Variants in NCAPD2 observed in about 807,000 individuals in gnomAD.
NCAPD2 encodes non-SMC condensin I complex subunit D2, also known as condensin complex subunit 1.
Under a neutral mutation model 164.5 loss-of-function variants are expected in NCAPD2, and 100 were observed. That is an observed-to-expected ratio of 0.61 (90% confidence interval 0.52 to 0.72). The LOEUF (loss-of-function observed/expected upper bound fraction) is 0.72. Ranked by LOEUF, NCAPD2 falls within the 30% of genes least tolerant of loss-of-function variation. The pLI, the probability that NCAPD2 is intolerant of heterozygous loss-of-function variation, is 0.00. For missense variants in NCAPD2, 1,560 were observed against 1,749.2 expected (o/e 0.89, Z 1.93); for synonymous variants, 585 against 642.6 (o/e 0.91, Z 1.36).
chr12:6,526,726 C>A, intron 21 of NCAPD2, 111 bp downstream of exon 21: 1 of 1,462,250 alleles, frequency 6.8e-7, no homozygotes, highest in Non-Finnish European at 9.3e-7. Context: ...TACACTGTGT[C>A]GTTTTTGTCT....
At position 6,528,649 on chromosome 12, in the gene NCAPD2, G is replaced by A. The variant is rs201129453; in HGVS notation, c.3300-30G>A. 6.1e-5 allele frequency: 98 copies of A among 1,598,824 alleles called. No homozygotes were observed. Among genetic ancestry groups the A allele is most frequent in the African/African-American group, 1.7e-4 (13 of 74,790 alleles). ...TGTTAGGGTGTAGCCCGGAGGTCTC[G>A]GTCCCCATGACCCGCAATTCCATTC... is the stretch of plus-strand genomic sequence containing the variant. On this transcript the variant is annotated intron_variant, in intron 25 of 31. Transcript: ENST00000315579. This position sits in a 1 kb window ranked among gnomAD's most constrained non-coding sequence, Gnocchi z 5.1.
chr12:6,529,377 G>A, intron 27 of NCAPD2, 136 bp from the exon 28 acceptor site: 1 of 788,324 alleles, frequency 1.3e-6, no homozygotes, highest in Non-Finnish European at 2.1e-6. Flanking sequence ...CAGGGCAAGG[G>A]GAGTGGTGAG....
At chr12:6,508,015 G>A (rs1401550969) in intron 2 of NCAPD2, among the ~76,000 whole-genome samples, 3 of 151,736 alleles carry the variant, frequency 2.0e-5, no homozygotes, top group Admixed American at 6.6e-5. Context: ...AGACCCTGTC[G>A]CTACAAAAAA....
Position 6,531,385 on chromosome 12 carries a change from A to G in NCAPD2, c.4179A>G (p.Arg1393=). 6.2e-7 allele frequency: 1 copy of G among 1,613,948 alleles called. No individual in the cohort carries two copies. The highest frequency in any genetic ancestry group is 2.2e-5 in the East Asian group (1 of 44,886). The change falls in exon 32 of 32, where the codon AGA becomes AGG. Residue 1393 remains arginine, a synonymous_variant. Transcript: ENST00000315579. The surrounding 1 kb of genome is among the most constrained non-coding windows in gnomAD (Gnocchi z 4.1). ...CCAAGAAAACAACTCCCATTCTCAG[A>G]GCATCGGCTCGCAGGCACAGATCCT... ...ETPKKTTPIL[R]ASARRHRS
At chr12:6,529,374 A>T (rs903157224) in intron 27 of NCAPD2, 139 bp from the exon 28 acceptor site, 2 of 774,686 alleles carry the variant, frequency 2.6e-6, no homozygotes, top group Non-Finnish European at 4.3e-6. Context: ...GGACAGGGCA[A>T]GGGGAGTGGT....
At chr12:6,512,141 G>A (rs1457818737) in intron 6 of NCAPD2, among the ~76,000 whole-genome samples, 7 of 151,918 alleles carry the variant, frequency 4.6e-5, no homozygotes, top group South Asian at 2.1e-4. Context: ...GCATGGTGGC[G>A]GGCGCCTCTA....
intron 2 of NCAPD2, among the ~76,000 whole-genome samples, chr12:6,505,317 C>T (rs1454543938): frequency 3.9e-5 from 6 of 152,136 alleles, no homozygotes; most frequent in Non-Finnish European, 5.9e-5. Context: ...TCACCCGCCT[C>T]GGTCTCCAAA....
chr12:6,518,291 C>A (rs1002788221), intron 13 of NCAPD2: 6 of 177,366 alleles, frequency 3.4e-5, no homozygotes, highest in Middle Eastern at 2.5e-3. Context: ...TTCTGTGCCT[C>A]GGTTTCATTA....
At chr12:6,516,271 AG>A (rs1946198933) in intron 9 of NCAPD2, among the ~76,000 whole-genome samples, 3 of 151,000 alleles carry the variant, frequency 2.0e-5, no homozygotes, top group Admixed American at 6.6e-5. Flanking sequence ...TGGGAGGCCG[AG>A]GAGGGTGGAT....
rs1565542735 is a variant in NCAPD2, at chr12:6,514,491, T to C, written c.743T>C (p.Leu248Pro). The C allele has an allele frequency of 6.2e-7, 1 of 1,614,234 alleles. No homozygotes were observed. The highest frequency in any genetic ancestry group is 2.2e-5 in the East Asian group (1 of 44,888). ...LSATVKIIQMLQHFEHLAPVL... is the reference protein window; with the variant it reads ...LSATVKIIQMPQHFEHLAPVL... ...GCTACAGTGAAGATCATCCAGATGC[T>C]GCAGCACTTTGAACACCTGGCACCT... Residue 248 changes from leucine (L) to proline (P), a missense_variant, in exon 8 of 32, where the codon CTG becomes CCG. Transcript: ENST00000315579.
intron 17 of NCAPD2, 24 bp downstream of exon 17, chr12:6,523,370 C>G (rs749411352): frequency 1.6e-6 from 2 of 1,252,232 alleles, no homozygotes; most frequent in Non-Finnish European, 2.3e-6. Context: ...CTTTCTCTTT[C>G]TTTATTCATT....
rs550566772 is a variant in NCAPD2 at position 6,516,606 on chromosome 12, T to A, written c.988-222T>A. On this transcript the variant is annotated intron_variant, in intron 9 of 31. Transcript: ENST00000315579. ...TGTTGGTGAGTGGATGTGATTTTTT[T>A]ATTCAGCTACTACCATGCTTTCCTG... is the stretch of plus-strand genomic sequence containing the variant. Among the ~76,000 whole-genome samples, 83 of 152,326 alleles carry A rather than the reference T, an allele frequency of 5.4e-4. 1 individual carries two copies. The South Asian group carries it at 0.016, about 29-fold the overall frequency.
intron 9 of NCAPD2, 28 bp downstream of exon 9, chr12:6,514,948 C>T: frequency 3.7e-6 from 6 of 1,612,620 alleles, no homozygotes; most frequent in South Asian, 1.1e-5. Flanking sequence ...GGTCACTGAG[C>T]TTTTTCTGGG....
Position 6,528,566 on chromosome 12 carries a change from G to A in NCAPD2, c.3300-113G>A. On this transcript the variant is annotated intron_variant, in intron 25 of 31. Transcript: ENST00000315579. The surrounding 1 kb of genome is among the most constrained non-coding windows in gnomAD (Gnocchi z 5.1). ...TTCAACTCTAGACAGCTTTCTGACTGCTTCTGGAGTGGCAGAGCATGGGAT... is the reference window on the plus strand; with the variant it reads ...TTCAACTCTAGACAGCTTTCTGACTACTTCTGGAGTGGCAGAGCATGGGAT... 7.7e-7 allele frequency: 1 copy of A among 1,300,340 alleles called. No homozygotes were observed. Among genetic ancestry groups the A allele is most frequent in the Non-Finnish European group, 1.1e-6 (1 of 938,352 alleles). 80.6% of individuals were successfully genotyped at this position (1,300,340 alleles called of 1,614,324 possible). A position where few individuals can be genotyped will look rare whatever the true frequency, so the allele number is the denominator to read the frequency against.
At chr12:6,508,725 G>A (rs1294799835) in intron 2 of NCAPD2, among the ~76,000 whole-genome samples, 3 of 152,164 alleles carry the variant, frequency 2.0e-5, no homozygotes, top group Non-Finnish European at 2.9e-5. Context: ...AAAAATACTG[G>A]TTGCAAAGGG....
chr12:6,516,704 A>G lies in NCAPD2; in HGVS notation c.988-124A>G, dbSNP rs184018961. ...CTCTGAGCAACAAGTCCTCTTTGGG[A>G]TTCAGCTTTCTCCTGTGACCTTGGG... On this transcript the variant is annotated intron_variant, in intron 9 of 31. Coordinates refer to ENST00000315579, the MANE Select transcript of NCAPD2 (RefSeq NM_014865.4). 1.0e-4 allele frequency: 93 copies of G among 928,166 alleles called. 1 individual carries two copies. In the East Asian group the frequency reaches 2.1e-3, roughly 21 times the overall value. 57.5% of individuals were successfully genotyped at this position (928,166 alleles called of 1,614,324 possible).
In NCAPD2 at chr12:6,531,947, A is replaced by G. The variant is rs1946378748; in HGVS notation, c.*535A>G. ...TTTTCTAATGAATAAATGTTTTTATATACTTTTAGACATTTTTTCCTAAGC... is the reference window on the plus strand; with the variant it reads ...TTTTCTAATGAATAAATGTTTTTATGTACTTTTAGACATTTTTTCCTAAGC... On this transcript the variant is annotated 3_prime_UTR_variant, in exon 32 of 32. Coordinates refer to ENST00000315579, the MANE Select transcript of NCAPD2 (RefSeq NM_014865.4). The surrounding 1 kb of genome is among the most constrained non-coding windows in gnomAD (Gnocchi z 4.1). 1 of 175,280 alleles carries G rather than the reference A, an allele frequency of 5.7e-6. No homozygotes were observed. The allele number at this position is 175,280 out of a possible 1,614,324, so 10.9% of individuals were successfully genotyped here. A position where few individuals can be genotyped will look rare whatever the true frequency, so the allele number is the denominator to read the frequency against.
At chr12:6,505,818 T>C (rs1946094319) in intron 2 of NCAPD2, among the ~76,000 whole-genome samples, 1 of 147,402 alleles carries the variant, frequency 6.8e-6, no homozygotes, top group Admixed American at 6.9e-5. Context: ...TGAGCTGAGA[T>C]TGTGTCACTA....
intron 6 of NCAPD2, among the ~76,000 whole-genome samples, chr12:6,513,472 A>G (rs1946169711): frequency 6.6e-6 from 1 of 152,042 alleles, no homozygotes; most frequent in Admixed American, 6.6e-5. Flanking sequence ...CCGTGATTGC[A>G]CCACTGCACT....
Sources: allele counts gnomAD v4.1 joint callset (sites outside exome capture counted in the v4.1 genomes callset), GRCh38; gene constraint gnomAD v4.1.1; non-coding constraint Gnocchi (gnomAD v3.1); transcripts MANE v1.5; gene names NCBI Gene and HGNC (gene_info 2026-07-23, HGNC 2026-07-21).